SP100: variants seen among roughly 807,000 people sequenced by gnomAD.
The protein encoded by SP100 is SP100 nuclear body protein, also known as nuclear autoantigen Sp-100.
In SP100, 84 loss-of-function variants were observed where a neutral mutation model predicts 130.0. The observed-to-expected ratio is 0.65, with a 90% CI of 0.54 to 0.77. SP100 has a LOEUF of 0.77. Ranked by LOEUF, SP100 falls within the 30% of genes least tolerant of loss-of-function variation. The pLI is 0.00. For synonymous variants in SP100, 331 were observed against 351.7 expected (o/e 0.94, Z 0.66); for missense variants, 978 against 1,052.2 (o/e 0.93, Z 0.97).
intron 5 of SP100, among the ~76,000 whole-genome samples, chr2:230,447,991 G>A (rs552354662): frequency 1.4e-4 from 21 of 152,208 alleles, no homozygotes; most frequent in African/African-American, 5.1e-4. Context: ...TCGAAAAGGG[G>A]TTGTTATGAA....
At chr2:230,517,040 C>A (rs1024065356) in intron 24 of SP100, among the ~76,000 whole-genome samples, 1 of 151,842 alleles carries the variant, frequency 6.6e-6, no homozygotes, top group East Asian at 1.9e-4. Flanking sequence ...AACATTTTAT[C>A]GATAACATAC....
intron 19 of SP100, among the ~76,000 whole-genome samples, chr2:230,499,172 A>T (rs2150056674): frequency 6.6e-6 from 1 of 152,120 alleles, no homozygotes; most frequent in Non-Finnish European, 1.5e-5. Flanking sequence ...AGTTAATTTT[A>T]AGACCTTCAC....
intron 11 of SP100, among the ~76,000 whole-genome samples, chr2:230,466,044 G>C (rs2064929387): frequency 6.6e-6 from 1 of 151,840 alleles, no homozygotes; most frequent in South Asian, 2.1e-4. Flanking sequence ...AATTAGCCGG[G>C]CTTGGTGGTG....
At chr2:230,514,970 A>T (rs1311569414) in intron 24 of SP100, 10 of 1,501,464 alleles carry the variant, frequency 6.7e-6, no homozygotes, top group African/African-American at 1.4e-5. Context: ...CGCAAGTGAG[A>T]GCTGGACAGG....
At chr2:230,438,524 A>G (rs541347045) in intron 2 of SP100, among the ~76,000 whole-genome samples, 12 of 152,068 alleles carry the variant, frequency 7.9e-5, no homozygotes, top group African/African-American at 2.4e-4. Flanking sequence ...GAACATAACG[A>G]TACTTGGTTC....
intron 1 of SP100, 147 bp from the exon 2 acceptor site, chr2:230,417,444 C>T: frequency 1.0e-6 from 1 of 986,646 alleles, no homozygotes; most frequent in South Asian, 2.1e-5. Context: ...TCACATTTAC[C>T]AATAAGCTAT....
chr2:230,432,356 C>T (rs2063124555), intron 2 of SP100, among the ~76,000 whole-genome samples: 2 of 152,050 alleles, frequency 1.3e-5, no homozygotes, highest in African/African-American at 4.8e-5. Context: ...TATTTGCATA[C>T]AAGCCTTTGT....
chr2:230,541,854 C>T lies in SP100; in HGVS notation c.2404-38C>T, dbSNP rs115125742. 2,409 of 1,603,990 alleles carry T rather than the reference C, an allele frequency of 1.5e-3. 36 individuals carry two copies. The African/African-American group carries it at 0.029, about 19-fold the overall frequency. On this transcript the variant is annotated intron_variant, in intron 27 of 28. Transcript: ENST00000340126. ...TCCATAATAGTGGGAGTCTATGGCACTGGGCTGATAGCCTCATTTTGGTCT... is the reference window on the plus strand; with the variant it reads ...TCCATAATAGTGGGAGTCTATGGCATTGGGCTGATAGCCTCATTTTGGTCT...
intron 2 of SP100, among the ~76,000 whole-genome samples, chr2:230,419,632 A>G (rs911128338): frequency 1.3e-5 from 2 of 152,226 alleles, no homozygotes; most frequent in Non-Finnish European, 2.9e-5. Context: ...TTTGAGAGAC[A>G]AAAAGAGACC....
intron 8 of SP100, among the ~76,000 whole-genome samples, chr2:230,451,382 A>C (rs1477115972): frequency 2.0e-5 from 3 of 152,150 alleles, no homozygotes; most frequent in Non-Finnish European, 4.4e-5. Flanking sequence ...CATTTTCTTG[A>C]TGATATCCGA....
intron 11 of SP100, among the ~76,000 whole-genome samples, chr2:230,465,055 G>C (rs574924124): frequency 6.6e-6 from 1 of 152,180 alleles, no homozygotes; most frequent in African/African-American, 2.4e-5. Context: ...GGCCAATATG[G>C]TGAAACCCTG....
intron 20 of SP100, among the ~76,000 whole-genome samples, chr2:230,503,612 A>G (rs933361676): frequency 6.6e-6 from 1 of 152,174 alleles, no homozygotes; most frequent in Admixed American, 6.5e-5. Flanking sequence ...TGCTTCGTCA[A>G]TCTCTCTTTA....
chr2:230,527,252 G>T (rs2150103830), intron 24 of SP100, among the ~76,000 whole-genome samples: 1 of 152,312 alleles, frequency 6.6e-6, no homozygotes, highest in South Asian at 2.1e-4. Flanking sequence ...CAAGCCAGAA[G>T]ACAGTGGCAG....
intron 17 of SP100, among the ~76,000 whole-genome samples, chr2:230,477,160 C>T (rs187065857): frequency 8.5e-5 from 13 of 152,150 alleles, no homozygotes; most frequent in Admixed American, 7.9e-4. Context: ...CTACCACGCC[C>T]GGCCCTCTCA....
At chr2:230,499,495 T>TAA (rs2066888988) in intron 19 of SP100, among the ~76,000 whole-genome samples, 5 of 5,802 alleles carry the variant, frequency 8.6e-4, no homozygotes, top group African/African-American at 4.3e-3. Flanking sequence ...TCTCTCCCCC[T>TAA]ATATATATAT....
In SP100 at chr2:230,508,187, T is replaced by C; in HGVS notation, c.2052+156T>C. 4 of 1,299,720 alleles carry C rather than the reference T, an allele frequency of 3.1e-6. No homozygotes were observed. The South Asian group carries it at 6.4e-5, about 21-fold the overall frequency. The allele number at this position is 1,299,720 out of a possible 1,614,324, so 80.5% of individuals were successfully genotyped here. A position where few individuals can be genotyped will look rare whatever the true frequency, so the allele number is the denominator to read the frequency against. ...TGCTGCTTTCAAACATTATTCAATG[T>C]ATAAGTCCAGGGCTCCTTTGAACAT... On this transcript the variant is annotated intron_variant, in intron 23 of 28. Transcript: ENST00000340126.
intron 2 of SP100, among the ~76,000 whole-genome samples, chr2:230,434,342 T>C (rs1267122507): frequency 2.0e-5 from 3 of 152,170 alleles, no homozygotes; most frequent in Admixed American, 6.5e-5. Context: ...GGAGTATGTG[T>C]TATTGTTGAG....
chr2:230,453,051 T>A (rs1204469111), intron 8 of SP100, among the ~76,000 whole-genome samples: 5 of 152,150 alleles, frequency 3.3e-5, no homozygotes, highest in Non-Finnish European at 7.3e-5. Flanking sequence ...GGATAATTTA[T>A]AAAGGAAAGG....
intron 19 of SP100, among the ~76,000 whole-genome samples, chr2:230,500,515 A>G (rs2066960329): frequency 6.6e-6 from 1 of 152,246 alleles, no homozygotes; most frequent in African/African-American, 2.4e-5. Flanking sequence ...AACTGAGAGC[A>G]AGAGAATATA....
Sources: allele counts gnomAD v4.1 joint callset (sites outside exome capture counted in the v4.1 genomes callset), GRCh38; gene constraint gnomAD v4.1.1; transcripts MANE v1.5; gene names NCBI Gene and HGNC (gene_info 2026-07-23, HGNC 2026-07-21).